BAZ2B: variants seen among roughly 807,000 people sequenced by gnomAD.
BAZ2B encodes the protein bromodomain adjacent to zinc finger domain protein 2B.
A neutral mutation model predicts 246.0 loss-of-function variants in BAZ2B; 91 were observed. That is an observed-to-expected ratio of 0.37 (90% CI 0.31 to 0.44). BAZ2B has a LOEUF of 0.44. Among genes scored for constraint, BAZ2B ranks in the 20% least tolerant of loss-of-function variants. The pLI is 1.00. For missense variants in BAZ2B, 2,332 were observed against 2,533.7 expected, an observed-to-expected ratio of 0.92 and a Z score of 1.71; for synonymous variants, 855 against 860.0, an observed-to-expected ratio of 0.99 and a Z score of 0.10.
chr2:159,553,384 C>A (rs1387822214), intron 2 of BAZ2B, among the ~76,000 whole-genome samples: 1 of 93,242 alleles, frequency 1.1e-5, no homozygotes, highest in Non-Finnish European at 1.9e-5. Flanking sequence ...AAGAGTGAGA[C>A]TCTGTCTCAA....
Position 159,386,714 on chromosome 2 carries a change from T to C in BAZ2B, c.3217-107A>G, listed in dbSNP as rs2062698290. ...TAAGCTGCTACCTTTTTTCCCCTCT[T>C]GTATTGTACCAGTAGCTTCCTTTGG... On this transcript the variant is annotated intron_variant, in intron 21 of 36. Coordinates refer to ENST00000392783, the MANE Select transcript of BAZ2B (RefSeq NM_013450.4). 4.7e-6 allele frequency: 6 copies of C among 1,288,982 alleles called. No homozygotes were observed. In the South Asian group the frequency reaches 9.5e-5, roughly 20 times the overall value. The allele number at this position is 1,288,982 out of a possible 1,614,324, so 79.8% of individuals were successfully genotyped here.
chr2:159,672,666 A>T, the BAZ2B span, among the ~76,000 whole-genome samples: 1 of 152,206 alleles, frequency 6.6e-6, no homozygotes, highest in Non-Finnish European at 1.5e-5. Context: ...CTGAATAGAC[A>T]GAAGACCAGT....
Position 159,337,051 on chromosome 2 carries a change from A to G in BAZ2B, c.5687T>C (p.Leu1896Pro). The G allele has an allele frequency of 6.2e-7, 1 of 1,613,326 alleles. No individual in the cohort carries two copies. The highest frequency in any genetic ancestry group is 8.5e-7 in the Non-Finnish European group (1 of 1,179,312). Reference sequence around the variant, plus strand: ...TGATAATGCCCTTCTCCATACCCTGAGCCCTGGAGCAATATCCTCTTCAAT... The same window carrying G: ...TGATAATGCCCTTCTCCATACCCTGGGCCCTGGAGCAATATCCTCTTCAAT... ...RRIEEDIAPG[L>P]RVWRRALSEA... Residue 1896 changes from leucine to proline, a missense_variant, in exon 33 of 37, where the codon CTC becomes CCC. Transcript: ENST00000392783.
At chr2:159,391,588 A>G (rs997045966) in intron 20 of BAZ2B, among the ~76,000 whole-genome samples, 5 of 152,172 alleles carry the variant, frequency 3.3e-5, no homozygotes, top group African/African-American at 9.7e-5. Context: ...CACTGTGCCA[A>G]CTTCCCACTG....
At chr2:159,353,225 A>G (rs1014716559) in intron 27 of BAZ2B, among the ~76,000 whole-genome samples, 3 of 152,220 alleles carry the variant, frequency 2.0e-5, no homozygotes, top group Non-Finnish European at 1.5e-5. Flanking sequence ...TCTAGTTGAA[A>G]TTAAATCCCT....
At chr2:159,389,203 C>T in intron 21 of BAZ2B, 142 bp downstream of exon 21, 1 of 849,446 alleles carries the variant, frequency 1.2e-6, no homozygotes, top group South Asian at 2.5e-5. Flanking sequence ...CTAGGAAAGG[C>T]AAATTGACCT....
chr2:159,571,253 A>G (rs1025256586), intron 1 of BAZ2B, among the ~76,000 whole-genome samples: 8 of 152,168 alleles, frequency 5.3e-5, no homozygotes, highest in African/African-American at 1.9e-4. Context: ...CTCCCAAAAA[A>G]CATGACACTG....
At chr2:159,481,383 C>A (rs957187576) in intron 2 of BAZ2B, among the ~76,000 whole-genome samples, 1 of 151,468 alleles carries the variant, frequency 6.6e-6, no homozygotes, top group African/African-American at 2.4e-5. Context: ...AACAAACCTG[C>A]ATGTTGTGCA....
intron 6 of BAZ2B, chr2:159,444,602 G>A (rs375886869): frequency 6.6e-6 from 1 of 152,304 alleles, no homozygotes; most frequent in South Asian, 2.1e-4. Flanking sequence ...AAAGGATAAA[G>A]AAAGTTTGAC....
Position 159,446,849 on chromosome 2 carries a change from C to A in BAZ2B, c.629G>T (p.Arg210Leu), listed in dbSNP as rs201048662. The change falls in exon 6 of 37, where the codon CGA becomes CTA. Residue 210 changes from arginine (R) to leucine (L), a missense_variant. By Grantham distance (102) the Arg-to-Leu change is moderately radical (BLOSUM62 -2). Transcript: ENST00000392783. Reference sequence around the variant, plus strand: ...TTTGCTTTGTTCCTGATTACATTTTCGATTTCCTCCACCTGAGCTTGTACT... The same window carrying A: ...TTTGCTTTGTTCCTGATTACATTTTAGATTTCCTCCACCTGAGCTTGTACT... The part of the protein sequence containing the change: ...TKSTSSGGGN[R>L]KCNQEQSKNQ... 34 of 1,613,472 alleles carry A rather than the reference C, an allele frequency of 2.1e-5. No homozygotes were observed. Among genetic ancestry groups the A allele is most frequent in the Non-Finnish European group, 2.6e-5 (31 of 1,179,754 alleles).
At chr2:159,323,532 G>A (rs2063008822) in intron 36 of BAZ2B, among the ~76,000 whole-genome samples, 1 of 152,004 alleles carries the variant, frequency 6.6e-6, no homozygotes, top group Non-Finnish European at 1.5e-5. Flanking sequence ...GCTGGGTGAG[G>A]TGGTTCACGC....
chr2:159,601,873 A>C (rs533303814), intron 1 of BAZ2B, among the ~76,000 whole-genome samples: 2 of 152,354 alleles, frequency 1.3e-5, no homozygotes, highest in Admixed American at 1.3e-4. Flanking sequence ...TTACCAATAC[A>C]TTGCAAATAG....
chr2:159,402,526 C>A (rs1461562835), intron 16 of BAZ2B, among the ~76,000 whole-genome samples: 1 of 152,106 alleles, frequency 6.6e-6, no homozygotes, highest in African/African-American at 2.4e-5. Context: ...TGTGTAATTT[C>A]CAAATCTTAG....
At chr2:159,505,147 A>G (rs546927699) in intron 2 of BAZ2B, among the ~76,000 whole-genome samples, 42 of 152,362 alleles carry the variant, frequency 2.8e-4, no homozygotes, top group African/African-American at 9.6e-4. Flanking sequence ...ACCAATAAAA[A>G]TCTTAATTTA....
chr2:159,655,234 T>G, the BAZ2B span, among the ~76,000 whole-genome samples: 1 of 152,212 alleles, frequency 6.6e-6, no homozygotes, highest in Non-Finnish European at 1.5e-5. Flanking sequence ...ACCCTGTCTC[T>G]GCTAAAAATA....
chr2:159,456,887 C>T (rs7589822), intron 3 of BAZ2B, among the ~76,000 whole-genome samples: 11,157 of 152,008 alleles, frequency 0.073, 549 homozygotes, highest in Middle Eastern at 0.16. Flanking sequence ...CTGTTTCATG[C>T]GGGAAAGGTT....
chr2:159,423,248 G>A lies in BAZ2B; in HGVS notation c.2466+4693C>T, dbSNP rs185252955. Among the ~76,000 whole-genome samples the A allele has an allele frequency of 3.3e-3, 508 of 152,166 alleles. 5 individuals carry two copies. Among genetic ancestry groups the A allele is most frequent in the African/African-American group, 0.011 (474 of 41,504 alleles). On this transcript the variant is annotated intron_variant, in intron 13 of 36. Coordinates refer to ENST00000392783, the MANE Select transcript of BAZ2B (RefSeq NM_013450.4). ...GGAGAATGGTGTGAACCTGGGAGGC[G>A]GGGCTTGCAGTGAGCCGAGATGGCA...
the BAZ2B span, among the ~76,000 whole-genome samples, chr2:159,676,935 T>A: frequency 4.5e-5 from 1 of 22,254 alleles, no homozygotes; most frequent in South Asian, 1.3e-3. Context: ...TTTTTAAAAG[T>A]GGTTAAAATA....
chr2:159,624,323 GCA>G, the BAZ2B span, among the ~76,000 whole-genome samples: 2 of 152,230 alleles, frequency 1.3e-5, no homozygotes, highest in Non-Finnish European at 2.9e-5. Context: ...GGATATCCCA[GCA>G]CAGTGTTCAA....
Sources: allele counts gnomAD v4.1 joint callset (sites outside exome capture counted in the v4.1 genomes callset), GRCh38; gene constraint gnomAD v4.1.1; transcripts MANE v1.5; gene names NCBI Gene and HGNC (gene_info 2026-07-23, HGNC 2026-07-21).